Variants in PSD2 observed in about 807,000 individuals in gnomAD.
PSD2 encodes pleckstrin and Sec7 domain containing 2, also known as PH and SEC7 domain-containing protein 2.
Under a neutral mutation model 69.8 loss-of-function variants are expected in PSD2, and 38 were observed. The ratio of observed to expected loss-of-function variants is 0.54; its 90% confidence interval spans 0.42 to 0.71. The LOEUF is 0.71. Ranked by LOEUF, PSD2 falls within the 30% of genes least tolerant of loss-of-function variation. PSD2 has a pLI of 0.00. For missense variants in PSD2, 943 were observed against 1,014.5 expected, an observed-to-expected ratio of 0.93 and a Z score of 0.96; for synonymous variants, 412 against 423.0, an observed-to-expected ratio of 0.97 and a Z score of 0.32.
intron 6 of PSD2, 58 bp from the exon 7 acceptor site, chr5:139,822,668 A>AACC: frequency 6.7e-7 from 1 of 1,489,296 alleles, no homozygotes; most frequent in South Asian, 1.2e-5. Context: ...CCGTCAGGAG[A>AACC]CAGGGAGTGG....
chr5:139,770,548 A>G, the PSD2 span, among the ~76,000 whole-genome samples: 6 of 152,216 alleles, frequency 3.9e-5, no homozygotes, highest in Non-Finnish European at 7.3e-5. Context: ...CCTGGGCAAC[A>G]GAGCGAGACT....
chr5:139,784,183 A>G, the PSD2 span, among the ~76,000 whole-genome samples: 1 of 149,736 alleles, frequency 6.7e-6, no homozygotes, highest in Non-Finnish European at 1.5e-5. Flanking sequence ...CAAGCGATCC[A>G]CCCGCCTCTG....
At chr5:139,808,286 G>C (rs965797322) in intron 1 of PSD2, among the ~76,000 whole-genome samples, 1 of 152,208 alleles carries the variant, frequency 6.6e-6, no homozygotes, top group South Asian at 2.1e-4. Flanking sequence ...GGGGAGGAGG[G>C]GAGAGCCAGA....
chr5:139,829,531 G>C (rs1300447958), intron 7 of PSD2, among the ~76,000 whole-genome samples: 2 of 152,138 alleles, frequency 1.3e-5, no homozygotes, highest in East Asian at 3.8e-4. Flanking sequence ...ATGCTATTTT[G>C]CTTTCTGTCT....
the PSD2 span, among the ~76,000 whole-genome samples, chr5:139,773,500 G>A: frequency 2.0e-5 from 3 of 152,042 alleles, no homozygotes; most frequent in East Asian, 1.9e-4. Flanking sequence ...ACCTCAAGCA[G>A]TTCTCCCATC....
upstream of PSD2, among the ~76,000 whole-genome samples, chr5:139,791,309 A>G (rs1424608322): frequency 6.6e-6 from 1 of 152,224 alleles, no homozygotes; most frequent in Non-Finnish European, 1.5e-5. Flanking sequence ...GCATGCCTGT[A>G]GTCCTAGCTA....
At chr5:139,809,845 A>C (rs1385233342) in intron 2 of PSD2, 34 bp downstream of exon 2, 1 of 1,608,402 alleles carries the variant, frequency 6.2e-7, no homozygotes, top group South Asian at 1.1e-5. Context: ...AGCTCACCAC[A>C]TTTGGCTGTT....
In PSD2 at chr5:139,839,894, T is replaced by C; in HGVS notation, c.1969-133T>C. On this transcript the variant is annotated intron_variant, in intron 13 of 14. Coordinates refer to ENST00000274710, the MANE Select transcript of PSD2 (RefSeq NM_032289.4). This position sits in a 1 kb window ranked among gnomAD's most constrained non-coding sequence, Gnocchi z 5.1. ...TGCCCTCAGGTCCAGAGTCTGGCTC[T>C]GTCCCCACATTTTGGTGATGCTGGC... 1 of 932,418 alleles carries C rather than the reference T, an allele frequency of 1.1e-6. No homozygotes were observed. Among genetic ancestry groups the C allele is most frequent in the South Asian group, 1.6e-5 (1 of 63,298 alleles). The allele number at this position is 932,418 out of a possible 1,614,324, so 57.8% of individuals were successfully genotyped here.
At chr5:139,838,861 C>T in intron 13 of PSD2, 89 bp downstream of exon 13, 1 of 1,432,310 alleles carries the variant, frequency 7.0e-7, no homozygotes. Flanking sequence ...AGCTCTGTCT[C>T]TAGGCTGGGT....
the PSD2 span, among the ~76,000 whole-genome samples, chr5:139,751,293 C>T: frequency 6.6e-6 from 1 of 152,128 alleles, no homozygotes; most frequent in East Asian, 1.9e-4. Context: ...GGTTCACAAA[C>T]TCCTCTCCCC....
the PSD2 span, among the ~76,000 whole-genome samples, chr5:139,766,195 A>T: frequency 6.6e-6 from 1 of 152,294 alleles, no homozygotes; most frequent in East Asian, 1.9e-4. Context: ...GAACTCAGGA[A>T]GTCTACAATC....
At chr5:139,815,322 G>A (rs1005079401) in intron 4 of PSD2, among the ~76,000 whole-genome samples, 7 of 151,756 alleles carry the variant, frequency 4.6e-5, no homozygotes, top group Admixed American at 3.3e-4. Context: ...CAAACCTAAC[G>A]CCATCCTTTC....
At position 139,813,391 on chromosome 5, in the gene PSD2, G is replaced by T; in HGVS notation, c.454G>T (p.Gly152Cys). The change falls in exon 3 of 15, where the codon GGC becomes TGC. Residue 152 changes from glycine to cysteine, a missense_variant. Gly to Cys is a radical substitution (Grantham distance 159, BLOSUM62 -3). This residue lies in a region of PSD2 where 466 missense variants were observed against 445.0 expected (regional missense o/e 1.05). Transcript: ENST00000274710. ...GATTCTGGAGTCAGAGCTGCTGCGG[G>T]GCACCCAGTACAGCAGCCTCGACTC... ...EKILESELLR[G>C]TQYSSLDSLD... 2 of 1,608,008 alleles carry T rather than the reference G, an allele frequency of 1.2e-6. No homozygotes were observed. Among genetic ancestry groups the T allele is most frequent in the Non-Finnish European group, 1.7e-6 (2 of 1,175,054 alleles).
At chr5:139,833,656 C>T (rs370506968) in intron 7 of PSD2, 46 bp from the exon 8 acceptor site, 31 of 1,431,090 alleles carry the variant, frequency 2.2e-5, no homozygotes, top group Non-Finnish European at 2.8e-5. Context: ...GGGGAACACA[C>T]CAGCCTCCTT....
chr5:139,825,761 G>A (rs568764747), intron 7 of PSD2, among the ~76,000 whole-genome samples: 133 of 152,282 alleles, frequency 8.7e-4, no homozygotes, highest in African/African-American at 2.9e-3. Flanking sequence ...ACATCAGTGC[G>A]GGGAGGCCAA....
intron 14 of PSD2, 151 bp from the exon 15 acceptor site, chr5:139,842,120 T>C: frequency 1.6e-6 from 1 of 631,542 alleles, no homozygotes; most frequent in Non-Finnish European, 2.7e-6. Flanking sequence ...TGCATGTCCC[T>C]TGTTTATTTT....
the PSD2 span, among the ~76,000 whole-genome samples, chr5:139,783,678 G>A: frequency 6.6e-6 from 1 of 151,982 alleles, no homozygotes; most frequent in Non-Finnish European, 1.5e-5. Context: ...CCCTGCTGTT[G>A]GGTTCTCCCC....
chr5:139,744,164 C>T, the PSD2 span, among the ~76,000 whole-genome samples: 2 of 152,192 alleles, frequency 1.3e-5, no homozygotes, highest in Non-Finnish European at 2.9e-5. Context: ...CTTCCCTTCC[C>T]TGCGCCCAGA....
At chr5:139,807,655 C>T (rs919220086) in intron 1 of PSD2, among the ~76,000 whole-genome samples, 8 of 152,058 alleles carry the variant, frequency 5.3e-5, no homozygotes, top group African/African-American at 1.7e-4. Context: ...TGTAAACGGG[C>T]GGCGTCCCAG....
Sources: allele counts gnomAD v4.1 joint callset (sites outside exome capture counted in the v4.1 genomes callset), GRCh38; gene constraint gnomAD v4.1.1; regional missense constraint gnomAD v4.1.1; non-coding constraint Gnocchi (gnomAD v3.1); transcripts MANE v1.5; gene names NCBI Gene and HGNC (gene_info 2026-07-23, HGNC 2026-07-21).